The following UHRF1 variants were observed in gnomAD, a reference collection of about 807,000 sequenced individuals.
UHRF1 encodes the protein ubiquitin like with PHD and ring finger domains 1, also known as E3 ubiquitin-protein ligase UHRF1.
A neutral mutation model predicts 96.5 loss-of-function variants in UHRF1; 9 were observed. That is an observed-to-expected ratio of 0.09 (90% CI 0.06 to 0.16). The LOEUF is 0.16. UHRF1 is among the 10% of genes least tolerant of loss of function. UHRF1 has a pLI of 1.00. For missense variants in UHRF1, 626 were observed against 1,131.1 expected, an observed-to-expected ratio of 0.55 and a Z score of 6.40; for synonymous variants, 455 against 469.9, an observed-to-expected ratio of 0.97 and a Z score of 0.41.
At chr19:4,912,717 C>A (rs2602710) in intron 2 of UHRF1, among the ~76,000 whole-genome samples, 56,989 of 151,970 alleles carry the variant, frequency 0.38, 11,250 homozygotes, top group African/African-American at 0.5. Flanking sequence ...ACCGTCAGTA[C>A]CTAGAGCTCA....
At chr19:4,946,928 C>T (rs1380096315) in intron 10 of UHRF1, among the ~76,000 whole-genome samples, 177 bp from the exon 11 acceptor site, 1 of 152,108 alleles carries the variant, frequency 6.6e-6, no homozygotes, top group Non-Finnish European at 1.5e-5. Flanking sequence ...GTCGCTTTGC[C>T]ATTCTGTAGT....
upstream of UHRF1, among the ~76,000 whole-genome samples, chr19:4,906,098 T>C (rs2032059283): frequency 6.6e-6 from 1 of 152,190 alleles, no homozygotes; most frequent in African/African-American, 2.4e-5. Flanking sequence ...TGCATCAGTG[T>C]CCTGAGTAGC....
chr19:4,938,049 G>A (rs1568421558), intron 5 of UHRF1, among the ~76,000 whole-genome samples: 1 of 152,198 alleles, frequency 6.6e-6, no homozygotes, highest in East Asian at 1.9e-4. Flanking sequence ...AGCTACTTGG[G>A]AGGCTGAGGC....
chr19:4,952,869 G>A (rs1163114029), intron 13 of UHRF1, among the ~76,000 whole-genome samples: 1 of 152,130 alleles, frequency 6.6e-6, no homozygotes, highest in Admixed American at 6.6e-5. Flanking sequence ...GGCCAGCTAA[G>A]GCCCTGGGGT....
chr19:4,939,604 G>A (rs186496268), intron 5 of UHRF1, among the ~76,000 whole-genome samples: 10 of 152,106 alleles, frequency 6.6e-5, no homozygotes, highest in Middle Eastern at 6.3e-3. Context: ...GATGTCACTT[G>A]CTGTGTGCGT....
At chr19:4,938,928 T>C (rs1310966896) in intron 5 of UHRF1, among the ~76,000 whole-genome samples, 3 of 150,502 alleles carry the variant, frequency 2.0e-5, no homozygotes, top group African/African-American at 7.3e-5. Flanking sequence ...TTTTGTTTTT[T>C]GATGAGACAA....
Position 4,962,021 on chromosome 19 carries a change from GT to G in UHRF1, c.*1225del, listed in dbSNP as rs1017084065. 3 of 132,600 alleles carry G rather than the reference GT, an allele frequency of 2.3e-5. No individual in the cohort carries two copies. The highest frequency in any genetic ancestry group is 2.1e-4 in the East Asian group (1 of 4,702). The allele number at this position is 132,600 out of a possible 1,614,324, so 8.2% of individuals were successfully genotyped here. A position where few individuals can be genotyped will look rare whatever the true frequency, so the allele number is the denominator to read the frequency against. The stretch of plus-strand genomic sequence containing the variant: ...ACTGGAGCAATGTTATTTTTAAAGG[GT>G]TTTTTTCACCTCCTTATTCTTAGAT... On this transcript the variant is annotated 3_prime_UTR_variant, in exon 17 of 17. Coordinates refer to ENST00000650932, the MANE Select transcript of UHRF1 (RefSeq NM_001048201.3).
At chr19:4,942,184 C>CTTTTCT (rs1431231438) in intron 7 of UHRF1, among the ~76,000 whole-genome samples, 1 of 151,566 alleles carries the variant, frequency 6.6e-6, no homozygotes, top group South Asian at 2.1e-4. Flanking sequence ...AGTCTTTTTT[C>CTTTTCT]TTTTCTTTTT....
intron 2 of UHRF1, among the ~76,000 whole-genome samples, chr19:4,918,744 A>T (rs2032607889): frequency 8.0e-6 from 1 of 124,878 alleles, no homozygotes; most frequent in Non-Finnish European, 1.6e-5. Context: ...TTTTTTAGAC[A>T]GGCTCTTGCT....
intron 2 of UHRF1, among the ~76,000 whole-genome samples, chr19:4,914,778 C>T (rs1319539692): frequency 2.0e-5 from 3 of 152,060 alleles, no homozygotes; most frequent in Non-Finnish European, 2.9e-5. Flanking sequence ...GCCCGCGACT[C>T]GCCAGCTCCC....
chr19:4,944,161 G>C lies in UHRF1; in HGVS notation c.1103G>C (p.Ser368Thr). The C allele has an allele frequency of 6.2e-7, 1 of 1,614,036 alleles. No homozygotes were observed. The highest frequency in any genetic ancestry group is 8.5e-7 in the Non-Finnish European group (1 of 1,179,894). Residue 368 changes from serine to threonine, a missense_variant, in exon 8 of 17, where the codon AGC (serine) becomes ACC (threonine). This residue lies in a region of UHRF1 where 69 missense variants were observed against 159.8 expected (regional missense o/e 0.43). Coordinates refer to ENST00000650932, the MANE Select transcript of UHRF1 (RefSeq NM_001048201.3). Reference sequence around the variant, plus strand: ...TGCCCTGAGTGCCGGAATGATGCCAGCGAGGTGGTACTGGCGGGAGAGCGG... The same window carrying C: ...TGCCCTGAGTGCCGGAATGATGCCACCGAGGTGGTACTGGCGGGAGAGCGG... The part of the protein sequence containing the change: ...WYCPECRNDA[S>T]EVVLAGERLR...
chr19:4,932,912 C>G lies in UHRF1; in HGVS notation c.741C>G (p.Arg247=). Residue 247 remains arginine, a synonymous_variant, in exon 5 of 17, where the codon CGC becomes CGG. Coordinates refer to ENST00000650932, the MANE Select transcript of UHRF1 (RefSeq NM_001048201.3). ...ACGACGCGGAGATCTCCAGGAAGCGCGAGACCAGGACGGCGCGGGAACTCT... is the reference window on the plus strand; with the variant it reads ...ACGACGCGGAGATCTCCAGGAAGCGGGAGACCAGGACGGCGCGGGAACTCT... ...FWYDAEISRK[R]ETRTARELYA... 6.2e-7 allele frequency: 1 copy of G among 1,613,692 alleles called. No individual in the cohort carries two copies. Among genetic ancestry groups the G allele is most frequent in the Non-Finnish European group, 8.5e-7 (1 of 1,179,840 alleles).
At chr19:4,939,926 A>C (rs2033336967) in intron 5 of UHRF1, among the ~76,000 whole-genome samples, 1 of 150,782 alleles carries the variant, frequency 6.6e-6, no homozygotes, top group Non-Finnish European at 1.5e-5. Flanking sequence ...CAGGAGGCTG[A>C]GGCAGGAGAG....
rs2248662 is a variant in UHRF1 at position 4,930,396 on chromosome 19, C to T, written c.409-320C>T. Reference sequence around the variant, plus strand: ...GTGCTGGTATTCCAGGCGTGAGCCACGACGCCCTGCCTGGATTTCCAGCTT... The same window carrying T: ...GTGCTGGTATTCCAGGCGTGAGCCATGACGCCCTGCCTGGATTTCCAGCTT... On this transcript the variant is annotated intron_variant, in intron 3 of 16. Coordinates refer to ENST00000650932, the MANE Select transcript of UHRF1 (RefSeq NM_001048201.3). The surrounding 1 kb of genome is among the most constrained non-coding windows in gnomAD (Gnocchi z 4.4). 0.32 allele frequency among the ~76,000 whole-genome samples: 48,409 copies of T among 152,202 alleles called. 8,273 individuals are homozygous for T. Among genetic ancestry groups the T allele is most frequent in the African/African-American group, 0.42 (17,507 of 41,518 alleles).
intron 16 of UHRF1, 129 bp downstream of exon 16, chr19:4,956,942 C>T (rs148203768): frequency 8.9e-5 from 63 of 709,158 alleles, no homozygotes; most frequent in South Asian, 5.7e-4. Context: ...CAGCTTTTCT[C>T]GGGGCCCTGT....
At position 4,932,926 on chromosome 19, in the gene UHRF1, C is replaced by T. The variant is rs369555799; in HGVS notation, c.755C>T (p.Ala252Val). 36 of 1,613,306 alleles carry T rather than the reference C, an allele frequency of 2.2e-5. No homozygotes were observed. In the African/African-American group the frequency reaches 2.5e-4, roughly 11 times the overall value. The change falls in exon 5 of 17, where the codon GCG becomes GTG. Residue 252 changes from alanine (A) to valine (V), a missense_variant. Physicochemically the swap from Ala to Val is moderately conservative, Grantham distance 64. Around this residue, in one of 11 missense-constraint regions of UHRF1, gnomAD observed 198 missense variants for 235.1 expected, o/e 0.84. Coordinates refer to ENST00000650932, the MANE Select transcript of UHRF1 (RefSeq NM_001048201.3). ...TCCAGGAAGCGCGAGACCAGGACGGCGCGGGAACTCTACGCCAACGTGGTG... is the reference window on the plus strand; with the variant it reads ...TCCAGGAAGCGCGAGACCAGGACGGTGCGGGAACTCTACGCCAACGTGGTG... ...EISRKRETRT[A>V]RELYANVVLG... is the part of the protein sequence containing the mutation.
Position 4,930,193 on chromosome 19 carries a change from T to A in UHRF1, c.409-523T>A, listed in dbSNP as rs1377447542. ...TTTCGCCATGTTGGCCAGGCTAGTC[T>A]TGAACTCCTGGCCTCAAGTGATCTT... On this transcript the variant is annotated intron_variant, in intron 3 of 16. Coordinates refer to ENST00000650932, the MANE Select transcript of UHRF1 (RefSeq NM_001048201.3). The surrounding 1 kb of genome is among the most constrained non-coding windows in gnomAD (Gnocchi z 4.4). Among the ~76,000 whole-genome samples, 1 of 152,216 alleles carries A rather than the reference T, an allele frequency of 6.6e-6. No individual in the cohort carries two copies. The highest frequency in any genetic ancestry group is 6.5e-5 in the Admixed American group (1 of 15,274).
At chr19:4,925,433 T>C (rs2656919) in intron 2 of UHRF1, among the ~76,000 whole-genome samples, 49,221 of 152,140 alleles carry the variant, frequency 0.32, 8,632 homozygotes, top group African/African-American at 0.44. Context: ...CTGAGTGTGA[T>C]GTCCTCAAGG....
At chr19:4,940,531 T>A (rs1386906489) in intron 5 of UHRF1, among the ~76,000 whole-genome samples, 1 of 151,538 alleles carries the variant, frequency 6.6e-6, no homozygotes, top group African/African-American at 2.4e-5. Context: ...CATGCCCAGC[T>A]AATTCTTGTA....
Sources: gnomAD v4.1 joint callset for allele counts (sites outside exome capture counted in the v4.1 genomes callset) on GRCh38, gnomAD v4.1.1 for gene constraint, gnomAD v4.1.1 regional missense constraint, Gnocchi (gnomAD v3.1) non-coding constraint, MANE v1.5 for transcripts, NCBI Gene and HGNC (gene_info 2026-07-23, HGNC 2026-07-21) for gene names.